Variants in SOX13 observed in about 807,000 individuals in gnomAD.
SOX13 encodes the protein SRY-box transcription factor 13.
SOX13 carries 28 observed loss-of-function variants against 71.8 expected under a neutral mutation model. The ratio of observed to expected loss-of-function variants is 0.39; its 90% CI spans 0.29 to 0.53. The LOEUF is 0.53. Ranked by LOEUF, SOX13 falls within the 20% of genes least tolerant of loss-of-function variation. The pLI is 0.70. For missense variants in SOX13, 627 were observed against 810.3 expected, an observed-to-expected ratio of 0.77 and a Z score of 2.75; for synonymous variants, 309 against 317.8, an observed-to-expected ratio of 0.97 and a Z score of 0.29.
At chr1:204,112,607 C>A (rs992974973) in intron 1 of SOX13, among the ~76,000 whole-genome samples, 1 of 151,864 alleles carries the variant, frequency 6.6e-6, no homozygotes, top group Non-Finnish European at 1.5e-5. Context: ...TTAGTTGGGC[C>A]GTCAGTCCAC....
At chr1:204,117,048 T>C in intron 5 of SOX13, 74 bp from the exon 6 acceptor site, 1 of 1,440,280 alleles carries the variant, frequency 6.9e-7, no homozygotes, top group Non-Finnish European at 9.7e-7. Context: ...AAGCAGGGTG[T>C]GGTTAGGGCT....
rs1656924575 is a variant in SOX13 at position 204,126,435 on chromosome 1, A to G, written c.*301A>G. 3 of 415,826 alleles carry G rather than the reference A, an allele frequency of 7.2e-6. No homozygotes were observed. In the Admixed American group the frequency reaches 1.2e-4, roughly 16 times the overall value. 25.8% of individuals were successfully genotyped at this position (415,826 alleles called of 1,614,324 possible). On this transcript the variant is annotated 3_prime_UTR_variant, in exon 14 of 14. Transcript: ENST00000367204. ...TGACTCTCCTCTCCTGCAGGTGTCT[A>G]TCCACCTGGGGTATGGCATCTACCG...
At chr1:204,112,423 A>G (rs1656596426) in intron 1 of SOX13, among the ~76,000 whole-genome samples, 1 of 144,112 alleles carries the variant, frequency 6.9e-6, no homozygotes, top group Admixed American at 7.3e-5. Context: ...CCTAGGTGAC[A>G]GAGTGAGACT....
intron 1 of SOX13, among the ~76,000 whole-genome samples, chr1:204,085,314 T>A (rs977289487): frequency 1.3e-5 from 2 of 152,214 alleles, no homozygotes; most frequent in Admixed American, 6.5e-5. Flanking sequence ...TGCCACAGGC[T>A]CATGGGGCTA....
At chr1:204,121,190 T>C (rs114016982) in intron 7 of SOX13, among the ~76,000 whole-genome samples, 2,821 of 152,224 alleles carry the variant, frequency 0.019, 35 homozygotes, top group Non-Finnish European at 0.031. Context: ...ATGTTGGTCA[T>C]GCTGGTCAGG....
intron 7 of SOX13, among the ~76,000 whole-genome samples, chr1:204,120,939 TTTC>T (rs1166327750): frequency 1.3e-5 from 2 of 152,072 alleles, no homozygotes; most frequent in African/African-American, 4.8e-5. Context: ...ACAACCCATT[TTTC>T]TTCTTATTTT....
intron 7 of SOX13, among the ~76,000 whole-genome samples, chr1:204,121,195 G>C (rs1241541629): frequency 1.3e-5 from 2 of 152,054 alleles, no homozygotes; most frequent in Non-Finnish European, 2.9e-5. Context: ...GGTCATGCTG[G>C]TCAGGGTGGT....
chr1:204,125,789 T>G lies in SOX13; in HGVS notation c.1593-69T>G, dbSNP rs1010181699. 55 of 1,517,238 alleles carry G rather than the reference T, an allele frequency of 3.6e-5. No homozygotes were observed. The Middle Eastern group carries it at 7.4e-4, about 20-fold the overall frequency. The allele number at this position is 1,517,238 out of a possible 1,614,324, so 94.0% of individuals were successfully genotyped here. The stretch of plus-strand genomic sequence containing the variant: ...TGGGAGTGCATGCTCTGAGGAGGCC[T>G]GGAGGGGAGATGGGTTTGGGGTTGA... On this transcript the variant is annotated intron_variant, in intron 13 of 13. Transcript: ENST00000367204.
chr1:204,097,315 T>C (rs995045036), intron 1 of SOX13, among the ~76,000 whole-genome samples: 1 of 152,240 alleles, frequency 6.6e-6, no homozygotes, highest in African/African-American at 2.4e-5. Flanking sequence ...AATATGGCTT[T>C]ATGAATAATT....
At chr1:204,091,378 G>C (rs112338783) in intron 1 of SOX13, among the ~76,000 whole-genome samples, 1 of 152,204 alleles carries the variant, frequency 6.6e-6, no homozygotes, top group Non-Finnish European at 1.5e-5. Context: ...TATTGTTCAG[G>C]ATCGAGGAAT....
chr1:204,126,276 T>C lies in SOX13; in HGVS notation c.*142T>C, dbSNP rs1656921626. 3.3e-6 allele frequency: 3 copies of C among 918,814 alleles called. No individual in the cohort carries two copies. Among genetic ancestry groups the C allele is most frequent in the African/African-American group, 1.7e-5 (1 of 60,490 alleles). The allele number at this position is 918,814 out of a possible 1,614,324, so 56.9% of individuals were successfully genotyped here. On this transcript the variant is annotated 3_prime_UTR_variant, in exon 14 of 14. Coordinates refer to ENST00000367204, the MANE Select transcript of SOX13 (RefSeq NM_005686.3). ...ATGGGCAAAGCTGTGCACTTGCAGA[T>C]ACATTCATGAGGGGAGAGGCGCCCT...
chr1:204,124,978 C>T (rs1656891234), intron 13 of SOX13, 121 bp downstream of exon 13: 5 of 714,338 alleles, frequency 7.0e-6, no homozygotes, highest in Non-Finnish European at 1.2e-5. Context: ...TGTGTGTATG[C>T]GTACGTGTGT....
At chr1:204,114,292 T>G in intron 2 of SOX13, 29 bp from the exon 3 acceptor site, 2 of 1,450,682 alleles carry the variant, frequency 1.4e-6, no homozygotes, top group Non-Finnish European at 1.9e-6. Context: ...CTCTTGGGGG[T>G]TATGGTGACA....
chr1:204,074,028 G>A (rs1315341861), intron 1 of SOX13: 1 of 151,910 alleles, frequency 6.6e-6, no homozygotes, highest in Non-Finnish European at 1.5e-5. Context: ...CGTTCACCAC[G>A]CGGGTCGAGC....
At chr1:204,076,706 C>T (rs1655793465) in intron 1 of SOX13, among the ~76,000 whole-genome samples, 1 of 152,198 alleles carries the variant, frequency 6.6e-6, no homozygotes, top group Admixed American at 6.5e-5. Flanking sequence ...AACCTCCACC[C>T]CAGGCATGGG....
intron 2 of SOX13, among the ~76,000 whole-genome samples, chr1:204,113,507 C>CA (rs1287006924): frequency 6.6e-6 from 1 of 152,098 alleles, no homozygotes; most frequent in African/African-American, 2.4e-5. Flanking sequence ...CCTGATTACA[C>CA]AAGCAAGAAT....
At chr1:204,074,655 T>C (rs1655748095) in intron 1 of SOX13, among the ~76,000 whole-genome samples, 1 of 152,142 alleles carries the variant, frequency 6.6e-6, no homozygotes, top group East Asian at 1.9e-4. Context: ...AGGACTTAAC[T>C]GGAGCTGGAG....
At position 204,073,975 on chromosome 1, in the gene SOX13, TTGTG is replaced by T. The variant is rs61199162; in HGVS notation, c.-2+286_-2+289del. The T allele has an allele frequency of 0.03, 4,532 of 150,022 alleles. 117 individuals are homozygous for T. The highest frequency in any genetic ancestry group is 0.099 in the East Asian group (482 of 4,874). The allele number at this position is 150,022 out of a possible 1,614,324, so 9.3% of individuals were successfully genotyped here. On this transcript the variant is annotated intron_variant, in intron 1 of 13. Transcript: ENST00000367204. The surrounding 1 kb of genome is among the most constrained non-coding windows in gnomAD (Gnocchi z 6.8). ...AGGCAGTGCGTGGCTGTGTGTGTGTTTGTGTGTGTGTGTGTGTGTGTGTGTACGC... is the reference window on the plus strand; with the variant it reads ...AGGCAGTGCGTGGCTGTGTGTGTGTTTGTGTGTGTGTGTGTGTGTGTACGC...
chr1:204,124,918 T>C, intron 13 of SOX13, 61 bp downstream of exon 13: 1 of 1,266,322 alleles, frequency 7.9e-7, no homozygotes. Flanking sequence ...CTCTCATGAG[T>C]GGCTGGGTGT....
Sources: allele counts gnomAD v4.1 joint callset (sites outside exome capture counted in the v4.1 genomes callset), GRCh38; gene constraint gnomAD v4.1.1; non-coding constraint Gnocchi (gnomAD v3.1); transcripts MANE v1.5; gene names NCBI Gene and HGNC (gene_info 2026-07-23, HGNC 2026-07-21).